The following SRRM1 variants were observed in gnomAD, a reference collection of about 807,000 sequenced individuals.
The protein encoded by SRRM1 is serine/arginine repetitive matrix protein 1.
A neutral mutation model predicts 110.2 loss-of-function variants in SRRM1; 19 were observed. The ratio of observed to expected loss-of-function variants is 0.17; its 90% CI spans 0.12 to 0.25. The LOEUF (loss-of-function observed/expected upper bound fraction) is 0.25, where lower values mean the gene tolerates loss of function less well. Among genes scored for constraint, SRRM1 ranks in the 10% least tolerant of loss-of-function variants. The pLI is 1.00. For synonymous variants in SRRM1, 443 were observed against 414.9 expected (o/e 1.07, Z -0.82); for missense variants, 918 against 1,145.8 (o/e 0.80, Z 2.87).
chr1:24,645,342 T>C (rs773440747), intron 1 of SRRM1, among the ~76,000 whole-genome samples: 1 of 152,226 alleles, frequency 6.6e-6, no homozygotes, highest in Non-Finnish European at 1.5e-5. Context: ...GCCAGTTATT[T>C]CCGTGTTTAA....
intron 5 of SRRM1, among the ~76,000 whole-genome samples, chr1:24,650,786 C>T (rs1390900486): frequency 6.6e-6 from 1 of 152,162 alleles, no homozygotes; most frequent in Non-Finnish European, 1.5e-5. Context: ...TAGAGCTAAG[C>T]ACAAATTGTC....
intron 9 of SRRM1, among the ~76,000 whole-genome samples, chr1:24,657,403 CTCT>C (rs1425448788): frequency 1.3e-5 from 2 of 152,216 alleles, no homozygotes; most frequent in African/African-American, 4.8e-5. Flanking sequence ...TACCCCAGAA[CTCT>C]TCTTTGATTG....
At chr1:24,670,891 G>A (rs1453239237) in intron 15 of SRRM1, among the ~76,000 whole-genome samples, 1 of 152,130 alleles carries the variant, frequency 6.6e-6, no homozygotes, top group Non-Finnish European at 1.5e-5. Context: ...CATAAATTTG[G>A]TATGTGTGTC....
At chr1:24,645,747 T>C (rs543232774) in intron 1 of SRRM1, among the ~76,000 whole-genome samples, 1 of 152,386 alleles carries the variant, frequency 6.6e-6, no homozygotes, top group East Asian at 1.9e-4. Flanking sequence ...GGCTTTATGC[T>C]GTATACTGTT....
intron 1 of SRRM1, chr1:24,643,794 T>G: frequency 1.2e-5 from 2 of 166,614 alleles, no homozygotes; most frequent in Non-Finnish European, 2.6e-5. Flanking sequence ...GAGAGCACCT[T>G]AGGGGAGGGA....
At position 24,652,780 on chromosome 1, in the gene SRRM1, A is replaced by G. The variant is rs781761029; in HGVS notation, c.921-133A>G. ...AGAATTTGAGGACACTTTTCTGTGT[A>G]CCATAAAAATCTACATAAATGGAAA... On this transcript the variant is annotated intron_variant, in intron 7 of 16. Coordinates refer to ENST00000323848, the MANE Select transcript of SRRM1 (RefSeq NM_005839.4). 75 of 1,339,508 alleles carry G rather than the reference A, an allele frequency of 5.6e-5. No individual in the cohort carries two copies. The Middle Eastern group carries it at 7.3e-4, about 13-fold the overall frequency. The allele number at this position is 1,339,508 out of a possible 1,614,324, so 83.0% of individuals were successfully genotyped here. A position where few individuals can be genotyped will look rare whatever the true frequency, so the allele number is the denominator to read the frequency against.
intron 9 of SRRM1, among the ~76,000 whole-genome samples, chr1:24,658,581 A>G (rs187267747): frequency 6.6e-6 from 1 of 152,188 alleles, no homozygotes; most frequent in Non-Finnish European, 1.5e-5. Flanking sequence ...GTATCCAAAC[A>G]ATCAGCTTCC....
chr1:24,658,850 A>G (rs1449878414), intron 9 of SRRM1, among the ~76,000 whole-genome samples: 1 of 152,240 alleles, frequency 6.6e-6, no homozygotes, highest in Admixed American at 6.5e-5. Context: ...AGTGATAGCC[A>G]TTCTTTACCC....
chr1:24,669,336 A>G lies in SRRM1; in HGVS notation c.1953A>G (p.Arg651=). ...AAAGAAGCTCCCCAGTCACCAAGAG[A>G]CGTTCACCTTCATTATCATCCAAGC... is the stretch of plus-strand genomic sequence containing the variant. ...PKQRSSPVTK[R]RSPSLSSKHR... Residue 651 remains arginine (R), a synonymous_variant, in exon 14 of 17, where the codon AGA becomes AGG. Coordinates refer to ENST00000323848, the MANE Select transcript of SRRM1 (RefSeq NM_005839.4). The G allele has an allele frequency of 6.2e-7, 1 of 1,613,896 alleles. No homozygotes were observed. The highest frequency in any genetic ancestry group is 8.5e-7 in the Non-Finnish European group (1 of 1,179,930).
chr1:24,659,049 C>T (rs542110067), intron 9 of SRRM1, among the ~76,000 whole-genome samples: 28 of 152,174 alleles, frequency 1.8e-4, no homozygotes, highest in African/African-American at 6.0e-4. Context: ...CAAAATTAGC[C>T]GGGCGTGGTT....
At position 24,652,924 on chromosome 1, in the gene SRRM1, C is replaced by A. The variant is rs776623510; in HGVS notation, c.932C>A (p.Pro311His). Residue 311 changes from proline to histidine, a missense_variant, in exon 8 of 17, where the codon CCT becomes CAT. Physicochemically the swap from Pro to His is moderately conservative, Grantham distance 77. Around this residue, in one of 5 missense-constraint regions of SRRM1, gnomAD observed 456 missense variants for 453.5 expected, o/e 1.01. Transcript: ENST00000323848. Reference sequence around the variant, plus strand: ...CTTTGTTATGGCAGATCGTATTCACCTAGAAGGCGGCCAAGCCCAAGAAGG... The same window carrying A: ...CTTTGTTATGGCAGATCGTATTCACATAGAAGGCGGCCAAGCCCAAGAAGG... ...RHRSRSRSYS[P>H]RRRPSPRRRP... 5 of 1,613,868 alleles carry A rather than the reference C, an allele frequency of 3.1e-6. No individual in the cohort carries two copies. Among genetic ancestry groups the A allele is most frequent in the South Asian group, 1.1e-5 (1 of 91,008 alleles).
intron 9 of SRRM1, among the ~76,000 whole-genome samples, chr1:24,658,457 TC>T (rs1182125358): frequency 6.6e-6 from 1 of 152,220 alleles, no homozygotes; most frequent in Non-Finnish European, 1.5e-5. Flanking sequence ...GATGTGTATT[TC>T]CACTGGGGGA....
intron 9 of SRRM1, among the ~76,000 whole-genome samples, chr1:24,657,130 G>T (rs1377340019): frequency 1.3e-5 from 2 of 152,136 alleles, no homozygotes; most frequent in Non-Finnish European, 2.9e-5. Context: ...ACTCGGGCTG[G>T]AGTGCAGTGG....
At chr1:24,656,060 C>T (rs934656135) in intron 9 of SRRM1, among the ~76,000 whole-genome samples, 2 of 151,914 alleles carry the variant, frequency 1.3e-5, no homozygotes, top group African/African-American at 2.4e-5. Flanking sequence ...AGCCCCATAG[C>T]GAGATCCTGA....
chr1:24,669,555 C>T lies in SRRM1; in HGVS notation c.2172C>T (p.Val724=), dbSNP rs1407017812. The T allele has an allele frequency of 1.3e-6, 2 of 1,596,330 alleles. No individual in the cohort carries two copies. The highest frequency in any genetic ancestry group is 2.3e-5 in the East Asian group (1 of 44,132). Residue 724 remains valine, a synonymous_variant, in exon 14 of 17, where the codon GTC becomes GTT. Coordinates refer to ENST00000323848, the MANE Select transcript of SRRM1 (RefSeq NM_005839.4). The stretch of plus-strand genomic sequence containing the variant: ...CAAGTACTAGGCCCATTAGGAGAGT[C>T]TCCAGGACTCCGGAACCTAAAAAGA... ...PSPSTRPIRR[V]SRTPEPKKIK...
At chr1:24,668,504 A>G (rs1360616639) in intron 13 of SRRM1, among the ~76,000 whole-genome samples, 1 of 152,222 alleles carries the variant, frequency 6.6e-6, no homozygotes, top group Non-Finnish European at 1.5e-5. Context: ...GCAGGAATTT[A>G]CTTTGATCTA....
At chr1:24,655,327 G>A (rs1285915861) in intron 9 of SRRM1, among the ~76,000 whole-genome samples, 198 bp downstream of exon 9, 1 of 152,138 alleles carries the variant, frequency 6.6e-6, no homozygotes, top group Non-Finnish European at 1.5e-5. Context: ...AAAGGGTTTT[G>A]TTTTTAGCAA....
rs1330841684 is a variant in SRRM1 at position 24,670,331 on chromosome 1, A to C, written c.2400+16A>C. 6.3e-7 allele frequency: 1 copy of C among 1,586,214 alleles called. No individual in the cohort carries two copies. Among genetic ancestry groups the C allele is most frequent in the East Asian group, 2.3e-5 (1 of 43,536 alleles). On this transcript the variant is annotated intron_variant, in intron 15 of 16. Transcript: ENST00000323848. ...ACCGCCAAGAGTATGTGTCTGCCTT[A>C]TTTTGGACACCCTTTTATAAATATG...
intron 3 of SRRM1, chr1:24,647,287 A>T (rs1031402077): frequency 6.5e-6 from 1 of 152,808 alleles, no homozygotes; most frequent in African/African-American, 2.4e-5. Context: ...GTAAAGCTGT[A>T]CACTGCTCTT....
Sources: allele counts gnomAD v4.1 joint callset (sites outside exome capture counted in the v4.1 genomes callset), GRCh38; gene constraint gnomAD v4.1.1; regional missense constraint gnomAD v4.1.1; transcripts MANE v1.5; gene names NCBI Gene and HGNC (gene_info 2026-07-23, HGNC 2026-07-21).